The following PGM3 variants were observed in gnomAD, a reference collection of about 807,000 sequenced individuals.
PGM3 encodes phosphoglucomutase 3.
A neutral mutation model predicts 66.2 loss-of-function variants in PGM3; 40 were observed. The ratio of observed to expected loss-of-function variants is 0.60; its 90% CI spans 0.47 to 0.79. The LOEUF is 0.79. Among genes scored for constraint, PGM3 ranks in the 30% least tolerant of loss-of-function variants. The pLI is 0.00. For missense variants in PGM3, 537 were observed against 643.4 expected, an observed-to-expected ratio of 0.83 and a Z score of 1.79; for synonymous variants, 191 against 224.2, an observed-to-expected ratio of 0.85 and a Z score of 1.32.
At chr6:83,191,944 G>C (rs1257403274) in intron 1 of PGM3, among the ~76,000 whole-genome samples, 8 of 123,036 alleles carry the variant, frequency 6.5e-5, no homozygotes, top group Non-Finnish European at 8.4e-5. Flanking sequence ...GGGTGACAAA[G>C]GGAGACTCGG....
At chr6:83,152,349 A>G in the PGM3 span, 28 of 1,546,382 alleles carry the variant, frequency 1.8e-5, no homozygotes, top group Non-Finnish European at 2.2e-5. Flanking sequence ...GTGTCCATGC[A>G]TTGACATTAC....
chr6:83,185,358 C>T (rs1372686953), intron 4 of PGM3, among the ~76,000 whole-genome samples: 1 of 152,200 alleles, frequency 6.6e-6, no homozygotes, highest in Non-Finnish European at 1.5e-5. Context: ...CACACATTGA[C>T]ATGTCATGAC....
Position 83,191,958 on chromosome 6 carries a change from CAAAAAA to C in PGM3, c.-2-950_-2-945del, listed in dbSNP as rs1219337174. 1.9e-3 allele frequency among the ~76,000 whole-genome samples: 73 copies of C among 39,360 alleles called. 1 individual carries two copies. The highest frequency in any genetic ancestry group is 2.4e-3 in the African/African-American group (24 of 9,866). The allele number at this position is 39,360 out of a possible 152,430, so 25.8% of individuals were successfully genotyped here. A position where few individuals can be genotyped will look rare whatever the true frequency, so the allele number is the denominator to read the frequency against. The stretch of plus-strand genomic sequence containing the variant: ...TGGGTGACAAAGGGAGACTCGGTCT[CAAAAAA>C]AAAAAAAAAAAAAAAAAACAGGCCA... On this transcript the variant is annotated intron_variant, in intron 1 of 12. Coordinates refer to ENST00000513973, the MANE Select transcript of PGM3 (RefSeq NM_015599.3).
At chr6:83,169,505 C>T (rs143108717) in intron 12 of PGM3, 182 bp from the exon 13 acceptor site, 457 of 660,882 alleles carry the variant, frequency 6.9e-4, no homozygotes, top group East Asian at 2.1e-3. Context: ...CTTAAATAAA[C>T]GGAAAACAGA....
chr6:83,191,958 CAAAAAAAA>C (rs1219337174), intron 1 of PGM3, among the ~76,000 whole-genome samples: 1 of 39,364 alleles, frequency 2.5e-5, no homozygotes, highest in East Asian at 8.9e-4. Flanking sequence ...GACTCGGTCT[CAAAAAAAA>C]AAAAAAAAAA....
At chr6:83,191,401 A>G in intron 1 of PGM3, 1 of 637,590 alleles carries the variant, frequency 1.6e-6, no homozygotes, top group Non-Finnish European at 2.7e-6. Flanking sequence ...AGGGAAACTA[A>G]CCTAAATTAA....
intron 4 of PGM3, among the ~76,000 whole-genome samples, chr6:83,184,372 C>A (rs1788420546): frequency 6.6e-6 from 1 of 151,988 alleles, no homozygotes; most frequent in South Asian, 2.1e-4. Flanking sequence ...AGAAATGGTA[C>A]CTTATGAAGG....
the PGM3 span, chr6:83,153,474 C>G: frequency 1.7e-5 from 24 of 1,392,502 alleles, no homozygotes; most frequent in Non-Finnish European, 2.2e-5. Flanking sequence ...GTCAGTTTCA[C>G]CTCATATGTT....
chr6:83,172,435 C>T (rs1233177775), intron 10 of PGM3, among the ~76,000 whole-genome samples: 1 of 151,878 alleles, frequency 6.6e-6, no homozygotes, highest in Non-Finnish European at 1.5e-5. Flanking sequence ...AAATGCACTC[C>T]TGACCTCACT....
the PGM3 span, chr6:83,156,070 G>A: frequency 6.2e-7 from 1 of 1,613,790 alleles, no homozygotes; most frequent in Non-Finnish European, 8.5e-7. Context: ...CAGTGAAATT[G>A]ACCAGTACCA....
chr6:83,177,151 C>G (rs181751226), intron 8 of PGM3, among the ~76,000 whole-genome samples: 1 of 152,144 alleles, frequency 6.6e-6, no homozygotes, highest in African/African-American at 2.4e-5. Context: ...CCCTGCTGCC[C>G]TCATTCACTT....
chr6:83,191,360 A>G (rs1446579898), intron 1 of PGM3: 14 of 764,668 alleles, frequency 1.8e-5, no homozygotes, highest in Admixed American at 4.6e-5. Flanking sequence ...AGAGACTCCA[A>G]TGAGCTCAAA....
chr6:83,172,273 A>G (rs1305750536), intron 10 of PGM3, among the ~76,000 whole-genome samples: 1 of 152,096 alleles, frequency 6.6e-6, no homozygotes, highest in African/African-American at 2.4e-5. Context: ...GGTGGCATAC[A>G]CCTACAGTCC....
At position 83,166,142 on chromosome 6, in the gene PGM3, A is replaced by C. The variant is rs2128455438; in HGVS notation, c.*3092T>G. 1 of 464,578 alleles carries C rather than the reference A, an allele frequency of 2.2e-6. No homozygotes were observed. The highest frequency in any genetic ancestry group is 3.8e-6 in the Non-Finnish European group (1 of 264,468). The allele number at this position is 464,578 out of a possible 1,614,324, so 28.8% of individuals were successfully genotyped here. A position where few individuals can be genotyped will look rare whatever the true frequency, so the allele number is the denominator to read the frequency against. Reference sequence around the variant, plus strand: ...GAGAAAATGACACTTCAAAACAACGAATTTTTTTATTTTTCACTCAGCTCA... The same window carrying C: ...GAGAAAATGACACTTCAAAACAACGCATTTTTTTATTTTTCACTCAGCTCA... On this transcript the variant is annotated 3_prime_UTR_variant, in exon 13 of 13. Coordinates refer to ENST00000513973, the MANE Select transcript of PGM3 (RefSeq NM_015599.3).
At chr6:83,154,744 T>C in the PGM3 span, among the ~76,000 whole-genome samples, 2 of 152,036 alleles carry the variant, frequency 1.3e-5, no homozygotes, top group Non-Finnish European at 2.9e-5. Context: ...CACCCCCTCT[T>C]TCTACTCTTG....
chr6:83,175,408 T>A (rs1787683067), intron 9 of PGM3, among the ~76,000 whole-genome samples: 1 of 152,218 alleles, frequency 6.6e-6, no homozygotes, highest in African/African-American at 2.4e-5. Context: ...TGGCTTTGAT[T>A]CAAATGTTCT....
Position 83,169,205 on chromosome 6 carries a change from C to T in PGM3, c.*29G>A, listed in dbSNP as rs1451401231. The T allele has an allele frequency of 1.9e-6, 3 of 1,612,808 alleles. No individual in the cohort carries two copies. In the East Asian group the frequency reaches 6.7e-5, roughly 36 times the overall value. On this transcript the variant is annotated 3_prime_UTR_variant, in exon 13 of 13. Transcript: ENST00000513973. ...AGTTTTGTAAAGACTTGTAAAAAGT[C>T]CAGTTTCTCAGGAATATGAAAATTA...
In PGM3 at chr6:83,168,754, T is replaced by C. The variant is rs1786428300; in HGVS notation, c.*480A>G. 3 of 1,000,298 alleles carry C rather than the reference T, an allele frequency of 3.0e-6. No individual in the cohort carries two copies. The highest frequency in any genetic ancestry group is 3.6e-6 in the Non-Finnish European group (3 of 838,372). 62.0% of individuals were successfully genotyped at this position (1,000,298 alleles called of 1,614,324 possible). A position where few individuals can be genotyped will look rare whatever the true frequency, so the allele number is the denominator to read the frequency against. On this transcript the variant is annotated 3_prime_UTR_variant, in exon 13 of 13. Transcript: ENST00000513973. The stretch of plus-strand genomic sequence containing the variant: ...TGAGTTCCTGATGGCATTAGTCATA[T>C]AGGTAAGTCATCTAATAATCTTTCT...
chr6:83,179,937 C>T lies in PGM3; in HGVS notation c.818G>A (p.Cys273Tyr), dbSNP rs779621468. The T allele has an allele frequency of 6.2e-7, 1 of 1,610,604 alleles. No homozygotes were observed. Among genetic ancestry groups the T allele is most frequent in the Non-Finnish European group, 8.5e-7 (1 of 1,178,070 alleles). The change falls in exon 7 of 13, where the codon TGT (cysteine) becomes TAT (tyrosine). Residue 273 changes from cysteine to tyrosine, a missense_variant. Cys to Tyr is a radical substitution (Grantham distance 194). Transcript: ENST00000513973. ...TCTGTCTGCATCTCCATCAAAAGAA[C>T]AGCATCTTTCATTGGACTTAATTTC... ...GMEIKSNERCCSFDGDADRIV... is the reference protein window; with the variant it reads ...GMEIKSNERCYSFDGDADRIV...
Sources: gnomAD v4.1 joint callset for allele counts (sites outside exome capture counted in the v4.1 genomes callset) on GRCh38, gnomAD v4.1.1 for gene constraint, MANE v1.5 for transcripts, NCBI Gene and HGNC (gene_info 2026-07-23, HGNC 2026-07-21) for gene names.